Variants in NAALADL2 observed in about 807,000 individuals in gnomAD.
NAALADL2 encodes N-acetylated alpha-linked acidic dipeptidase like 2.
In NAALADL2, 76 loss-of-function variants were observed where a neutral mutation model predicts 87.2. That is an observed-to-expected ratio of 0.87 (90% CI 0.72 to 1.05). The LOEUF is 1.05. Among genes scored for constraint, NAALADL2 ranks in the 50% least tolerant of loss-of-function variants. NAALADL2 has a pLI of 0.00. For missense variants in NAALADL2, 1,089 were observed against 945.8 expected, an observed-to-expected ratio of 1.15 and a Z score of -1.99; for synonymous variants, 354 against 331.0, an observed-to-expected ratio of 1.07 and a Z score of -0.75.
chr3:175,056,687 T>A (rs111297527), intron 1 of NAALADL2, among the ~76,000 whole-genome samples: 7,538 of 152,292 alleles, frequency 0.049, 619 homozygotes, highest in African/African-American at 0.17. Flanking sequence ...TGATAAGCAT[T>A]GTTTCTATAG....
intron 9 of NAALADL2, among the ~76,000 whole-genome samples, chr3:175,490,050 G>A (rs558826928): frequency 8.5e-5 from 13 of 152,120 alleles, no homozygotes; most frequent in South Asian, 2.1e-4. Context: ...CTTAATCATC[G>A]CGGCCCATCT....
chr3:175,657,706 A>G (rs200846272), intron 11 of NAALADL2, among the ~76,000 whole-genome samples: 1 of 151,394 alleles, frequency 6.6e-6, no homozygotes, highest in Non-Finnish European at 1.5e-5. Context: ...TCAGCCTCCC[A>G]AGTAGCTGGG....
chr3:175,232,754 A>G (rs939726188), intron 2 of NAALADL2, among the ~76,000 whole-genome samples: 7 of 152,180 alleles, frequency 4.6e-5, no homozygotes, highest in African/African-American at 1.7e-4. Context: ...AAATAATGTG[A>G]TGGGCAAAAA....
At chr3:175,407,973 T>C (rs1448811419) in intron 5 of NAALADL2, among the ~76,000 whole-genome samples, 1 of 152,176 alleles carries the variant, frequency 6.6e-6, no homozygotes. Context: ...ATTTACTTGG[T>C]GGTGATTTGG....
chr3:175,095,365 G>T (rs1720969253), intron 1 of NAALADL2, among the ~76,000 whole-genome samples: 1 of 151,854 alleles, frequency 6.6e-6, no homozygotes, highest in Non-Finnish European at 1.5e-5. Context: ...TTGATGGGTC[G>T]CTATTTGTGG....
chr3:175,032,606 G>A (rs897982529), intron 1 of NAALADL2, among the ~76,000 whole-genome samples: 3 of 151,680 alleles, frequency 2.0e-5, no homozygotes, highest in East Asian at 1.9e-4. Flanking sequence ...CTGTGCCTTT[G>A]CCTTTACCTG....
intron 2 of NAALADL2, among the ~76,000 whole-genome samples, chr3:174,734,004 G>C (rs952156038): frequency 2.6e-5 from 4 of 152,134 alleles, no homozygotes; most frequent in South Asian, 2.1e-4. Context: ...TTTAAGACCA[G>C]AAGGGTCAAT....
chr3:175,613,856 T>C lies in NAALADL2; in HGVS notation c.1801-13435T>C, dbSNP rs191564464. Among the ~76,000 whole-genome samples, 283 of 152,308 alleles carry C rather than the reference T, an allele frequency of 1.9e-3. 1 individual carries two copies. Among genetic ancestry groups the C allele is most frequent in the African/African-American group, 6.4e-3 (267 of 41,568 alleles). On this transcript the variant is annotated intron_variant, in intron 10 of 13. Coordinates refer to ENST00000454872, the MANE Select transcript of NAALADL2 (RefSeq NM_207015.3). ...ATCATTTGCCATTATTCATAATACA[T>C]AAAATATTTTTTCAATTCATGTTAT... is the stretch of plus-strand genomic sequence containing the variant.
intron 4 of NAALADL2, among the ~76,000 whole-genome samples, chr3:175,300,813 G>T (rs1756992638): frequency 6.8e-6 from 1 of 147,722 alleles, no homozygotes; most frequent in Non-Finnish European, 1.5e-5. Context: ...TTTATTTTGA[G>T]CTCACTGCAA....
At chr3:175,394,332 C>A (rs533581536) in intron 5 of NAALADL2, among the ~76,000 whole-genome samples, 6 of 152,124 alleles carry the variant, frequency 3.9e-5, no homozygotes, top group Non-Finnish European at 1.5e-5. Context: ...GTTAACAATG[C>A]ATTGTATATT....
At chr3:175,741,882 C>T (rs1745278564) in intron 12 of NAALADL2, among the ~76,000 whole-genome samples, 1 of 152,092 alleles carries the variant, frequency 6.6e-6, no homozygotes, top group African/African-American at 2.4e-5. Flanking sequence ...ACGTTAATGA[C>T]GCACCCATGA....
At chr3:175,389,079 C>A (rs1368378606) in intron 5 of NAALADL2, among the ~76,000 whole-genome samples, 1 of 151,836 alleles carries the variant, frequency 6.6e-6, no homozygotes, top group Non-Finnish European at 1.5e-5. Context: ...GGACAGATTA[C>A]CAATATTTCT....
At chr3:174,729,905 G>T (rs974507479) in intron 2 of NAALADL2, among the ~76,000 whole-genome samples, 1 of 152,004 alleles carries the variant, frequency 6.6e-6, no homozygotes, top group African/African-American at 2.4e-5. Flanking sequence ...AGTTCATTTA[G>T]TACATCCCAC....
At chr3:174,780,534 G>A (rs1715833480) in intron 3 of NAALADL2, among the ~76,000 whole-genome samples, 1 of 152,130 alleles carries the variant, frequency 6.6e-6, no homozygotes, top group Non-Finnish European at 1.5e-5. Context: ...TAGGAGTGGT[G>A]AGAGAGGCCA....
At chr3:174,615,239 C>G (rs908402389) in intron 2 of NAALADL2, among the ~76,000 whole-genome samples, 3 of 152,168 alleles carry the variant, frequency 2.0e-5, no homozygotes, top group African/African-American at 7.2e-5. Flanking sequence ...TTTATCCTTA[C>G]TTTTAAGAAA....
intron 2 of NAALADL2, among the ~76,000 whole-genome samples, chr3:174,733,597 C>G (rs1459285417): frequency 6.6e-6 from 1 of 152,172 alleles, no homozygotes; most frequent in African/African-American, 2.4e-5. Context: ...CATGTCTCTG[C>G]CTTTTTTGTT....
chr3:175,568,989 C>T (rs1223968172), intron 9 of NAALADL2, among the ~76,000 whole-genome samples: 1 of 152,146 alleles, frequency 6.6e-6, no homozygotes, highest in Non-Finnish European at 1.5e-5. Flanking sequence ...ACAAATGTTA[C>T]TGGGTGCGTG....
At chr3:174,604,628 G>A (rs1047004487) in intron 2 of NAALADL2, among the ~76,000 whole-genome samples, 1 of 151,872 alleles carries the variant, frequency 6.6e-6, no homozygotes. Flanking sequence ...TTTCTGTTGT[G>A]TGTGTGTGTG....
At position 174,859,363 on chromosome 3, in the gene NAALADL2, AC is replaced by A; in HGVS notation, c.-44del. 2 of 1,487,086 alleles carry A rather than the reference AC, an allele frequency of 1.3e-6. No homozygotes were observed. Among genetic ancestry groups the A allele is most frequent in the Non-Finnish European group, 1.9e-6 (2 of 1,074,382 alleles). The allele number at this position is 1,487,086 out of a possible 1,614,324, so 92.1% of individuals were successfully genotyped here. ...GGTCACAAAGCTTGCAGGGTAAGTGACACAACTTGAAACTGCTTGGCCCTCT... is the reference window on the plus strand; with the variant it reads ...GGTCACAAAGCTTGCAGGGTAAGTGAACAACTTGAAACTGCTTGGCCCTCT... On this transcript the variant is annotated 5_prime_UTR_variant, in exon 1 of 14. Coordinates refer to ENST00000454872, the MANE Select transcript of NAALADL2 (RefSeq NM_207015.3).
Sources: gnomAD v4.1 joint callset for allele counts (sites outside exome capture counted in the v4.1 genomes callset) on GRCh38, gnomAD v4.1.1 for gene constraint, MANE v1.5 for transcripts, NCBI Gene and HGNC (gene_info 2026-07-23, HGNC 2026-07-21) for gene names.